The following FANCC variants were observed in gnomAD, a reference collection of about 807,000 sequenced individuals.
The protein encoded by FANCC is Fanconi anemia group C protein.
A neutral mutation model predicts 71.3 loss-of-function variants in FANCC; 55 were observed. The ratio of observed to expected loss-of-function variants is 0.77; its 90% CI spans 0.62 to 0.97. The LOEUF (loss-of-function observed/expected upper bound fraction) is 0.97, where lower values mean the gene tolerates loss of function less well. FANCC is among the 50% of genes least tolerant of loss of function. The pLI, the probability that FANCC is intolerant of heterozygous loss-of-function variation, is 0.00. For missense variants in FANCC, 678 were observed against 670.9 expected (o/e 1.01, Z -0.12); for synonymous variants, 275 against 244.9 (o/e 1.12, Z -1.15).
intron 1 of FANCC, among the ~76,000 whole-genome samples, chr9:95,289,171 A>T (rs1833864539): frequency 6.6e-6 from 1 of 152,190 alleles, no homozygotes; most frequent in African/African-American, 2.4e-5. Flanking sequence ...TCTGTTTTCT[A>T]TAGTTTTTCA....
chr9:95,292,389 G>A (rs1834087557), intron 1 of FANCC: 22 of 1,035,338 alleles, frequency 2.1e-5, no homozygotes, highest in Non-Finnish European at 2.6e-5. Context: ...TCTGGCGGCG[G>A]GTGCCCGCGC....
At chr9:95,176,941 A>T (rs1277048703) in intron 4 of FANCC, among the ~76,000 whole-genome samples, 1 of 152,158 alleles carries the variant, frequency 6.6e-6, no homozygotes, top group Non-Finnish European at 1.5e-5. Context: ...ACTTCCCAAT[A>T]CTGTATGAGC....
At position 95,101,637 on chromosome 9, in the gene FANCC, T is replaced by C. The variant is rs369235858; in HGVS notation, c.*70A>G. 17 of 1,585,150 alleles carry C rather than the reference T, an allele frequency of 1.1e-5. No individual in the cohort carries two copies. Among genetic ancestry groups the C allele is most frequent in the South Asian group, 2.2e-5 (2 of 89,782 alleles). ...TACTCCACAAATGCGTGGCCACAGG[T>C]CATCACCTGTCCTGTGGCCCTGGCG... On this transcript the variant is annotated 3_prime_UTR_variant, in exon 15 of 15. Transcript: ENST00000289081.
intron 4 of FANCC, among the ~76,000 whole-genome samples, chr9:95,239,227 A>G (rs1215525077): frequency 6.6e-6 from 1 of 152,186 alleles, no homozygotes; most frequent in East Asian, 1.9e-4. Context: ...ACACAGCTTT[A>G]GCAATAACTC....
chr9:95,198,235 C>G (rs1363378037), intron 4 of FANCC, among the ~76,000 whole-genome samples: 1 of 152,172 alleles, frequency 6.6e-6, no homozygotes. Context: ...ACAACAGTGA[C>G]TCTTGATGGG....
At chr9:95,263,349 G>C (rs1442032525) in intron 1 of FANCC, among the ~76,000 whole-genome samples, 2 of 152,000 alleles carry the variant, frequency 1.3e-5, no homozygotes, top group Non-Finnish European at 2.9e-5. Flanking sequence ...AGGGAGACTG[G>C]GATATCCGCC....
intron 1 of FANCC, among the ~76,000 whole-genome samples, chr9:95,310,206 AATG>A (rs1316290568): frequency 6.6e-6 from 1 of 152,072 alleles, no homozygotes; most frequent in Non-Finnish European, 1.5e-5. Context: ...CTACAAAAAT[AATG>A]ATAATTAATT....
chr9:95,311,228 C>T (rs1308793169), intron 1 of FANCC, among the ~76,000 whole-genome samples: 4 of 116,108 alleles, frequency 3.4e-5, no homozygotes, highest in East Asian at 2.3e-4. Flanking sequence ...AGTGAGATTC[C>T]GTCTCAAAAA....
intron 4 of FANCC, among the ~76,000 whole-genome samples, chr9:95,198,037 G>C (rs1039433070): frequency 6.6e-6 from 1 of 152,152 alleles, no homozygotes; most frequent in Non-Finnish European, 1.5e-5. Flanking sequence ...TGAGACTCAA[G>C]ACTCCTAGGA....
Position 95,188,942 on chromosome 9 carries a change from T to TTAA in FANCC, c.346-16798_346-16796dup, listed in dbSNP as rs1272914587. On this transcript the variant is annotated intron_variant, in intron 4 of 14. Coordinates refer to ENST00000289081, the MANE Select transcript of FANCC (RefSeq NM_000136.3). ...TTACACATAAGTTACAAATGATATT[T>TTAA]TAAGTTCAAAAAAAGAATTTCCTTT... Among the ~76,000 whole-genome samples the TTAA allele has an allele frequency of 3.9e-5, 6 of 152,300 alleles. No homozygotes were observed. In the East Asian group the frequency reaches 1.2e-3, roughly 29 times the overall value.
intron 4 of FANCC, among the ~76,000 whole-genome samples, chr9:95,222,897 T>G (rs1271391931): frequency 2.6e-5 from 4 of 152,232 alleles, no homozygotes; most frequent in African/African-American, 7.2e-5. Flanking sequence ...TTTTCACATT[T>G]CAAAGGCTAT....
chr9:95,276,005 T>TC (rs1232711695), intron 1 of FANCC, among the ~76,000 whole-genome samples: 2 of 152,142 alleles, frequency 1.3e-5, no homozygotes, highest in Admixed American at 6.5e-5. Context: ...ATTAATCAGT[T>TC]CCCCCTGAAT....
intron 1 of FANCC, among the ~76,000 whole-genome samples, chr9:95,308,775 G>GA (rs529824968): frequency 1.9e-3 from 284 of 152,238 alleles, no homozygotes; most frequent in Non-Finnish European, 3.6e-3. Flanking sequence ...GAAGATACCT[G>GA]AAACTTTGAT....
At chr9:95,279,146 C>T (rs1833224376) in intron 1 of FANCC, among the ~76,000 whole-genome samples, 1 of 151,896 alleles carries the variant, frequency 6.6e-6, no homozygotes, top group Non-Finnish European at 1.5e-5. Context: ...TGAAACCCCC[C>T]GTCTCTACTA....
chr9:95,314,386 A>ACT (rs747921741), intron 1 of FANCC, among the ~76,000 whole-genome samples: 97 of 152,198 alleles, frequency 6.4e-4, no homozygotes, highest in Admixed American at 1.8e-3. Context: ...GGGCGCAGTG[A>ACT]CTCACGCCTG....
At position 95,301,951 on chromosome 9, in the gene FANCC, G is replaced by A. The variant is rs566836473; in HGVS notation, c.-79+15575C>T. Among the ~76,000 whole-genome samples, 20 of 149,856 alleles carry A rather than the reference G, an allele frequency of 1.3e-4. No individual in the cohort carries two copies. The South Asian group carries it at 3.0e-3, about 22-fold the overall frequency. On this transcript the variant is annotated intron_variant, in intron 1 of 14. Coordinates refer to ENST00000289081, the MANE Select transcript of FANCC (RefSeq NM_000136.3). ...AAAAAAATTAGCCAGGCGCGGTGGC[G>A]GGCGCCTGTACTCCCAGCTACTCGG...
rs182623146 is a variant in FANCC, at chr9:95,291,065, T to C, written c.-79+26461A>G. Among the ~76,000 whole-genome samples the C allele has an allele frequency of 7.2e-5, 11 of 152,232 alleles. No homozygotes were observed. In the East Asian group the frequency reaches 1.3e-3, roughly 19 times the overall value. ...AAAAAAACTGTCAACAAATTAGGTA[T>C]AGAAGGAATGTACATCAACACAAGG... On this transcript the variant is annotated intron_variant, in intron 1 of 14. Coordinates refer to ENST00000289081, the MANE Select transcript of FANCC (RefSeq NM_000136.3).
In FANCC at chr9:95,120,801, G is replaced by T. The variant is rs116968228; in HGVS notation, c.997-3411C>A. On this transcript the variant is annotated intron_variant, in intron 10 of 14. Coordinates refer to ENST00000289081, the MANE Select transcript of FANCC (RefSeq NM_000136.3). ...AATATTTAACTTCCATTTAATTGCT[G>T]AAATTAATGTCATTGTTGGTAGTTT... Among the ~76,000 whole-genome samples, 619 of 152,270 alleles carry T rather than the reference G, an allele frequency of 4.1e-3. 1 individual carries two copies. Among genetic ancestry groups the T allele is most frequent in the Middle Eastern group, 0.038 (11 of 292 alleles).
At chr9:95,117,910 C>CA (rs2072557156) in intron 10 of FANCC, among the ~76,000 whole-genome samples, 1 of 152,126 alleles carries the variant, frequency 6.6e-6, no homozygotes. Context: ...TTAGTAGAGA[C>CA]AGAGTTTCTC....
Sources: gnomAD v4.1 joint callset for allele counts (sites outside exome capture counted in the v4.1 genomes callset) on GRCh38, gnomAD v4.1.1 for gene constraint, MANE v1.5 for transcripts, NCBI Gene and HGNC (gene_info 2026-07-23, HGNC 2026-07-21) for gene names.